The following PCDH15 variants were observed in gnomAD, a reference collection of about 807,000 sequenced individuals.
The protein encoded by PCDH15 is protocadherin related 15.
In PCDH15, 129 loss-of-function variants were observed where a neutral mutation model predicts 178.5. That is an observed-to-expected ratio of 0.72 (90% CI 0.63 to 0.84). The LOEUF is 0.84. PCDH15 is among the 40% of genes least tolerant of loss of function. PCDH15 has a pLI of 0.00. For missense variants in PCDH15, 2,230 were observed against 2,099.9 expected, an observed-to-expected ratio of 1.06 and a Z score of -1.21; for synonymous variants, 800 against 732.0, an observed-to-expected ratio of 1.09 and a Z score of -1.50.
intron 2 of PCDH15, among the ~76,000 whole-genome samples, chr10:55,495,539 T>A (rs780739090): frequency 4.0e-5 from 6 of 151,702 alleles, no homozygotes; most frequent in Non-Finnish European, 7.4e-5. Context: ...CTCAAGACAA[T>A]GCTGAAAAAT....
In PCDH15 at chr10:54,370,609, G is replaced by A. The variant is rs536555999; in HGVS notation, c.319-1334C>T. Among the ~76,000 whole-genome samples the A allele has an allele frequency of 1.4e-4, 21 of 151,848 alleles. 1 individual carries two copies. The South Asian group carries it at 2.1e-3, about 15-fold the overall frequency. ...AAAGTACAAAGTATCTCTATGCTTCGTTTATTCATCTATAAAATTAAGGCT... is the reference window on the plus strand; with the variant it reads ...AAAGTACAAAGTATCTCTATGCTTCATTTATTCATCTATAAAATTAAGGCT... On this transcript the variant is annotated intron_variant, in intron 4 of 37. Transcript: ENST00000644397.
intron 1 of PCDH15, among the ~76,000 whole-genome samples, chr10:55,238,166 GA>G (rs1403477676): frequency 3.2e-5 from 1 of 31,278 alleles, no homozygotes; most frequent in Non-Finnish European, 6.1e-5. Context: ...TTTTTTTTTT[GA>G]GACGGAGTCT....
chr10:54,213,377 A>G (rs1476629332), intron 10 of PCDH15, among the ~76,000 whole-genome samples: 1 of 152,144 alleles, frequency 6.6e-6, no homozygotes, highest in African/African-American at 2.4e-5. Flanking sequence ...GTGAAATGCC[A>G]AATAGATTAG....
At position 54,783,268 on chromosome 10, in the gene PCDH15, A is replaced by G. The variant is rs77588032; in HGVS notation, c.-29+17657T>C. ...GATCTGAATGAGAAATTCAACAAAA[A>G]GATAGGTATCATGAGAAAAAATCGA... On this transcript the variant is annotated intron_variant, in intron 1 of 37. Coordinates refer to ENST00000644397, the MANE Select transcript of PCDH15 (RefSeq NM_001384140.1). 8.5e-3 allele frequency among the ~76,000 whole-genome samples: 1,299 copies of G among 152,262 alleles called. 21 individuals carry two copies. Among genetic ancestry groups the G allele is most frequent in the African/African-American group, 0.029 (1,192 of 41,558 alleles).
intron 2 of PCDH15, among the ~76,000 whole-genome samples, chr10:54,638,465 C>T (rs1035323839): frequency 1.3e-5 from 2 of 151,974 alleles, no homozygotes; most frequent in Non-Finnish European, 2.9e-5. Context: ...TCTCATTATA[C>T]TCAGTTAAGT....
intron 1 of PCDH15, among the ~76,000 whole-genome samples, chr10:55,266,982 A>C (rs1842315896): frequency 6.6e-6 from 1 of 152,162 alleles, no homozygotes; most frequent in Admixed American, 6.6e-5. Context: ...TTGGAACCCT[A>C]CAGCCTGGTT....
chr10:55,051,976 G>T (rs11004705), intron 2 of PCDH15, among the ~76,000 whole-genome samples: 84,948 of 151,746 alleles, frequency 0.56, 24,218 homozygotes, highest in East Asian at 0.75. Context: ...ATAGGGTGGA[G>T]CAAATGAAAA....
intron 2 of PCDH15, among the ~76,000 whole-genome samples, chr10:55,337,008 A>G (rs1251675837): frequency 6.6e-6 from 1 of 152,074 alleles, no homozygotes; most frequent in Admixed American, 6.6e-5. Flanking sequence ...CAACTCCCTC[A>G]ATTGTAACAG....
intron 2 of PCDH15, among the ~76,000 whole-genome samples, chr10:54,913,741 A>G (rs1057029456): frequency 1.3e-5 from 2 of 152,168 alleles, no homozygotes; most frequent in African/African-American, 2.4e-5. Flanking sequence ...GAGCTGCCCA[A>G]TTCCTTGGGA....
chr10:54,397,580 T>C (rs939564628), intron 3 of PCDH15, among the ~76,000 whole-genome samples: 2 of 152,012 alleles, frequency 1.3e-5, no homozygotes, highest in African/African-American at 4.8e-5. Context: ...GGGATTCATA[T>C]TGGAACTTAA....
chr10:53,876,724 T>C (rs986622824), intron 26 of PCDH15, among the ~76,000 whole-genome samples: 2 of 152,160 alleles, frequency 1.3e-5, no homozygotes, highest in Non-Finnish European at 2.9e-5. Context: ...AAACAGTGAC[T>C]ACAATGCAAT....
At chr10:53,859,345 G>A (rs1439006940) in intron 27 of PCDH15, among the ~76,000 whole-genome samples, 1 of 152,144 alleles carries the variant, frequency 6.6e-6, no homozygotes, top group African/African-American at 2.4e-5. Flanking sequence ...GTGAGTAGTA[G>A]GGAACATTAG....
chr10:54,022,856 G>A, intron 19 of PCDH15, 36 bp downstream of exon 19: 2 of 1,606,302 alleles, frequency 1.2e-6, no homozygotes, highest in Non-Finnish European at 1.7e-6. Flanking sequence ...ATCTCCTAAT[G>A]TAGGATTCAT....
intron 3 of PCDH15, among the ~76,000 whole-genome samples, chr10:54,394,138 C>A (rs74136137): frequency 6.6e-6 from 1 of 152,012 alleles, no homozygotes; most frequent in African/African-American, 2.4e-5. Context: ...TAATTTTAGC[C>A]TGTGTAGAAA....
chr10:54,358,893 C>G (rs1945509999), intron 5 of PCDH15, among the ~76,000 whole-genome samples: 2 of 151,432 alleles, frequency 1.3e-5, no homozygotes, highest in South Asian at 4.2e-4. Flanking sequence ...TCATCATTCT[C>G]AGTAAACTAT....
intron 1 of PCDH15, among the ~76,000 whole-genome samples, chr10:55,242,468 C>T (rs1452839722): frequency 6.6e-6 from 1 of 152,048 alleles, no homozygotes; most frequent in Non-Finnish European, 1.5e-5. Flanking sequence ...AGAAAATAGC[C>T]TTTTCTAAAA....
At chr10:55,259,432 C>T (rs1182639971) in intron 1 of PCDH15, among the ~76,000 whole-genome samples, 1 of 152,066 alleles carries the variant, frequency 6.6e-6, no homozygotes, top group Non-Finnish European at 1.5e-5. Flanking sequence ...GAGTGGTTAA[C>T]TATGCCTAAA....
At chr10:54,980,647 A>G (rs543119296) in intron 2 of PCDH15, among the ~76,000 whole-genome samples, 6 of 152,240 alleles carry the variant, frequency 3.9e-5, no homozygotes, top group Admixed American at 3.9e-4. Context: ...TTCACAAATT[A>G]GTCTCATTAT....
chr10:54,310,891 C>T lies in PCDH15; in HGVS notation c.876+6380G>A, dbSNP rs985764432. ...AGGCCACCAAGGGAATGAGAAAAAA[C>T]GGTACTTCCATAAAAAAGCAAGAGA... On this transcript the variant is annotated intron_variant, in intron 8 of 37. Transcript: ENST00000644397. Among the ~76,000 whole-genome samples, 26 of 151,992 alleles carry T rather than the reference C, an allele frequency of 1.7e-4. No individual in the cohort carries two copies. The East Asian group carries it at 2.5e-3, about 15-fold the overall frequency.
Sources: gnomAD v4.1 joint callset for allele counts (sites outside exome capture counted in the v4.1 genomes callset) on GRCh38, gnomAD v4.1.1 for gene constraint, MANE v1.5 for transcripts, NCBI Gene and HGNC (gene_info 2026-07-23, HGNC 2026-07-21) for gene names.